The following ROBO2 variants were observed in gnomAD, a reference collection of about 807,000 sequenced individuals.
The protein encoded by ROBO2 is roundabout homolog 2.
Under a neutral mutation model 160.8 loss-of-function variants are expected in ROBO2, and 53 were observed. That is an observed-to-expected ratio of 0.33 (90% CI 0.26 to 0.41). ROBO2 has a LOEUF of 0.41. Ranked by LOEUF, ROBO2 falls within the 10% of genes least tolerant of loss-of-function variation. The probability of loss-of-function intolerance (pLI) is 1.00; values close to 1 mark genes in which losing one functional copy is unlikely to be tolerated. For missense variants in ROBO2, 1,577 were observed against 1,722.4 expected (o/e 0.92, Z 1.49); for synonymous variants, 664 against 611.7 (o/e 1.09, Z -1.26).
chr3:77,401,274 A>C (rs1167984959), intron 2 of ROBO2, among the ~76,000 whole-genome samples: 1 of 151,666 alleles, frequency 6.6e-6, no homozygotes, highest in East Asian at 1.9e-4. Flanking sequence ...AAAAAAAAAA[A>C]AACTCAAAGA....
chr3:75,912,333 G>A (rs185501505), intron 1 of ROBO2, among the ~76,000 whole-genome samples: 22 of 152,220 alleles, frequency 1.4e-4, no homozygotes, highest in Non-Finnish European at 1.9e-4. Context: ...TTCTATTTGT[G>A]GTATGACAAT....
At chr3:77,207,794 C>T (rs2083615996) in intron 2 of ROBO2, among the ~76,000 whole-genome samples, 1 of 152,178 alleles carries the variant, frequency 6.6e-6, no homozygotes, top group South Asian at 2.1e-4. Flanking sequence ...AGATTCACTG[C>T]ATCTGAGTTT....
intron 2 of ROBO2, among the ~76,000 whole-genome samples, chr3:76,353,618 A>G (rs1055818932): frequency 3.3e-5 from 5 of 151,938 alleles, no homozygotes; most frequent in Admixed American, 2.6e-4. Flanking sequence ...GAAGAAGTCT[A>G]TACCTTCCTT....
chr3:76,628,035 A>G (rs371568372), intron 2 of ROBO2, among the ~76,000 whole-genome samples: 17 of 87,554 alleles, frequency 1.9e-4, no homozygotes, highest in African/African-American at 8.2e-4. Flanking sequence ...TGGCTAAGGA[A>G]AAAAGGTATA....
In ROBO2 at chr3:76,748,789, G is replaced by T. The variant is rs776285328; in HGVS notation, c.110-349225G>T. ...TAAAAGTATCATAAACATGAAAAGT[G>T]TTTAAAATGTACATATTCTTTGACC... On this transcript the variant is annotated intron_variant, in intron 2 of 26. Coordinates refer to the ROBO2 transcript ENST00000487694. Among the ~76,000 whole-genome samples, 6 of 151,768 alleles carry T rather than the reference G, an allele frequency of 4.0e-5. No individual in the cohort carries two copies. The South Asian group carries it at 6.2e-4, about 16-fold the overall frequency.
intron 2 of ROBO2, among the ~76,000 whole-genome samples, chr3:77,396,159 G>A (rs546689563): frequency 6.6e-6 from 1 of 151,004 alleles, no homozygotes; most frequent in Admixed American, 6.6e-5. Context: ...CCTCCTATTT[G>A]GACCTGCTTT....
At chr3:76,753,193 A>G (rs9848191) in intron 2 of ROBO2, among the ~76,000 whole-genome samples, 2,752 of 151,974 alleles carry the variant, frequency 0.018, 69 homozygotes, top group African/African-American at 0.058. Flanking sequence ...GGAGAAGAAA[A>G]TATAAGCACA....
At chr3:76,908,615 C>G (rs1037844258) in intron 2 of ROBO2, among the ~76,000 whole-genome samples, 7 of 152,094 alleles carry the variant, frequency 4.6e-5, no homozygotes, top group Non-Finnish European at 1.0e-4. Context: ...AATCCTTTTA[C>G]GAACAACTGC....
At chr3:77,188,710 C>T (rs1268387066) in intron 2 of ROBO2, among the ~76,000 whole-genome samples, 1 of 151,844 alleles carries the variant, frequency 6.6e-6, no homozygotes, top group Non-Finnish European at 1.5e-5. Context: ...TGTTACATCT[C>T]TCTACATTCT....
chr3:76,869,046 C>T (rs1358475962), intron 2 of ROBO2, among the ~76,000 whole-genome samples: 1 of 151,996 alleles, frequency 6.6e-6, no homozygotes, highest in African/African-American at 2.4e-5. Context: ...TTCCTAGGTG[C>T]TCCACATTTC....
At chr3:76,615,726 G>A (rs1195906366) in intron 2 of ROBO2, among the ~76,000 whole-genome samples, 1 of 152,152 alleles carries the variant, frequency 6.6e-6, no homozygotes, top group Non-Finnish European at 1.5e-5. Context: ...CAATAATTCA[G>A]TTAAGCAAAC....
At chr3:77,119,344 A>T (rs906039526) in intron 2 of ROBO2, among the ~76,000 whole-genome samples, 1 of 152,182 alleles carries the variant, frequency 6.6e-6, no homozygotes, top group Non-Finnish European at 1.5e-5. Flanking sequence ...AACGCAGAAA[A>T]ATTACAATAA....
intron 2 of ROBO2, among the ~76,000 whole-genome samples, chr3:76,702,427 T>A (rs2093064745): frequency 1.3e-5 from 2 of 151,674 alleles, no homozygotes; most frequent in Admixed American, 1.3e-4. Flanking sequence ...GGGGGAAAAA[T>A]CAATTGAGGT....
intron 2 of ROBO2, among the ~76,000 whole-genome samples, chr3:75,987,045 A>C (rs2065433252): frequency 6.6e-6 from 1 of 151,726 alleles, no homozygotes; most frequent in South Asian, 2.1e-4. Flanking sequence ...TGTTTTGGCT[A>C]TTTGGTGTCC....
chr3:76,210,650 A>G (rs1474585181), intron 2 of ROBO2, among the ~76,000 whole-genome samples: 6 of 152,140 alleles, frequency 3.9e-5, no homozygotes, highest in Non-Finnish European at 8.8e-5. Flanking sequence ...AGCTTTTAAT[A>G]TTACATTTTT....
chr3:76,173,315 C>T (rs1049270438), intron 2 of ROBO2, among the ~76,000 whole-genome samples: 3 of 151,886 alleles, frequency 2.0e-5, no homozygotes, highest in South Asian at 2.1e-4. Context: ...ATCTAACATA[C>T]ATAAAATACA....
At chr3:76,312,131 A>G (rs2071632072) in intron 2 of ROBO2, among the ~76,000 whole-genome samples, 1 of 152,204 alleles carries the variant, frequency 6.6e-6, no homozygotes, top group Admixed American at 6.5e-5. Context: ...GTAAGCCAAA[A>G]TGATGGTGCA....
At chr3:76,431,596 G>T (rs1011813326) in intron 2 of ROBO2, among the ~76,000 whole-genome samples, 1 of 151,996 alleles carries the variant, frequency 6.6e-6, no homozygotes, top group Non-Finnish European at 1.5e-5. Context: ...ATAATCTTTC[G>T]TATAAACAAG....
intron 2 of ROBO2, among the ~76,000 whole-genome samples, chr3:76,014,046 T>C (rs936707037): frequency 1.3e-5 from 2 of 150,436 alleles, no homozygotes; most frequent in East Asian, 4.0e-4. Context: ...ATAAAGGCAA[T>C]TGGTGGCTGG....
Sources: allele counts gnomAD v4.1 joint callset (sites outside exome capture counted in the v4.1 genomes callset), GRCh38; gene constraint gnomAD v4.1.1; transcripts MANE v1.5; gene names NCBI Gene and HGNC (gene_info 2026-07-23, HGNC 2026-07-21).